Variants in SUSD4 observed in about 807,000 individuals in gnomAD.
SUSD4 encodes sushi domain-containing protein 4.
A neutral mutation model predicts 50.5 loss-of-function variants in SUSD4; 41 were observed. The observed-to-expected ratio is 0.81, with a 90% CI of 0.63 to 1.05. The LOEUF (loss-of-function observed/expected upper bound fraction) is 1.05, where lower values mean the gene tolerates loss of function less well. Among genes scored for constraint, SUSD4 ranks in the 50% least tolerant of loss-of-function variants. The pLI is 0.00. For synonymous variants in SUSD4, 257 were observed against 257.3 expected (o/e 1.00, Z 0.01); for missense variants, 580 against 634.7 (o/e 0.91, Z 0.93).
chr1:223,361,556 C>T (rs533878156), intron 2 of SUSD4, among the ~76,000 whole-genome samples: 54 of 152,172 alleles, frequency 3.5e-4, no homozygotes, highest in African/African-American at 1.2e-3. Flanking sequence ...ACCGAGGTGG[C>T]CATGATGTAC....
At chr1:223,243,187 C>T (rs1660700912) in intron 5 of SUSD4, among the ~76,000 whole-genome samples, 1 of 152,178 alleles carries the variant, frequency 6.6e-6, no homozygotes, top group South Asian at 2.1e-4. Context: ...GGAGACACCA[C>T]AGGACCTTCT....
chr1:223,335,243 T>C (rs547916677), intron 2 of SUSD4, among the ~76,000 whole-genome samples: 1 of 152,206 alleles, frequency 6.6e-6, no homozygotes, highest in Non-Finnish European at 1.5e-5. Flanking sequence ...TACCCAGTAG[T>C]GGGATTGCTG....
intron 4 of SUSD4, among the ~76,000 whole-genome samples, chr1:223,267,633 G>A (rs908395507): frequency 1.3e-5 from 2 of 152,070 alleles, no homozygotes; most frequent in Non-Finnish European, 1.5e-5. Context: ...AAGGGGTCAC[G>A]ACTTTTAAGC....
intron 3 of SUSD4, among the ~76,000 whole-genome samples, chr1:223,290,586 TA>T (rs1340920505): frequency 6.6e-6 from 1 of 152,070 alleles, no homozygotes; most frequent in Non-Finnish European, 1.5e-5. Context: ...GGTTGCCTAA[TA>T]AAAAAGCTGA....
chr1:223,305,847 G>C (rs190558474), intron 2 of SUSD4, among the ~76,000 whole-genome samples: 1 of 152,302 alleles, frequency 6.6e-6, no homozygotes, highest in East Asian at 1.9e-4. Flanking sequence ...TTAGTATGCA[G>C]ATTCTATTAC....
chr1:223,308,992 C>T (rs900681997), intron 2 of SUSD4, among the ~76,000 whole-genome samples: 1 of 152,172 alleles, frequency 6.6e-6, no homozygotes, highest in African/African-American at 2.4e-5. Flanking sequence ...ACGATATGAA[C>T]TCATCCAAAA....
At chr1:223,234,450 T>A (rs1022952959) in intron 5 of SUSD4, among the ~76,000 whole-genome samples, 3 of 152,174 alleles carry the variant, frequency 2.0e-5, no homozygotes, top group African/African-American at 7.2e-5. Flanking sequence ...ATTCATAAAC[T>A]CTTTGAGAGC....
Position 223,264,822 on chromosome 1 carries a change from T to C in SUSD4, c.536-4A>G. The C allele has an allele frequency of 5.6e-6, 9 of 1,611,008 alleles. No homozygotes were observed. Among genetic ancestry groups the C allele is most frequent in the Non-Finnish European group, 7.6e-6 (9 of 1,178,188 alleles). Reference sequence around the variant, plus strand: ...GAGGCTAGAGGTCTCAGGCAGCCTGTGGAAGGTGAAAGAAAAAGGGAAAGA... The same window carrying C: ...GAGGCTAGAGGTCTCAGGCAGCCTGCGGAAGGTGAAAGAAAAAGGGAAAGA... On this transcript the variant is annotated splice_region_variant and splice_polypyrimidine_tract_variant and intron_variant, in intron 4 of 8. Transcript: ENST00000366878.
chr1:223,227,858 A>AC lies in SUSD4; in HGVS notation c.917-121dup, dbSNP rs1659623128. On this transcript the variant is annotated intron_variant, in intron 6 of 8. Transcript: ENST00000366878. The surrounding 1 kb of genome is among the most constrained non-coding windows in gnomAD (Gnocchi z 4.5). Reference sequence around the variant, plus strand: ...AAGAGATGCGTGCAAGGTGCCTCTGACCCCCAGGGCTCGGCAGAGATACCA... The same window carrying AC: ...AAGAGATGCGTGCAAGGTGCCTCTGACCCCCCAGGGCTCGGCAGAGATACCA... 1 of 1,308,136 alleles carries AC rather than the reference A, an allele frequency of 7.6e-7. No homozygotes were observed. Among genetic ancestry groups the AC allele is most frequent in the African/African-American group, 1.5e-5 (1 of 67,930 alleles). 81.0% of individuals were successfully genotyped at this position (1,308,136 alleles called of 1,614,324 possible).
chr1:223,284,694 T>C (rs1281283465), intron 3 of SUSD4, among the ~76,000 whole-genome samples: 1 of 152,194 alleles, frequency 6.6e-6, no homozygotes, highest in Non-Finnish European at 1.5e-5. Context: ...GGATAAAATT[T>C]TGTCATTGAT....
intron 2 of SUSD4, among the ~76,000 whole-genome samples, chr1:223,352,490 A>G (rs1242149660): frequency 6.6e-6 from 1 of 152,182 alleles, no homozygotes; most frequent in Non-Finnish European, 1.5e-5. Context: ...AGGCCCTGGC[A>G]TTCCAGGGGC....
chr1:223,292,622 G>C lies in SUSD4; in HGVS notation c.178C>G (p.Pro60Ala). 6.2e-7 allele frequency: 1 copy of C among 1,614,042 alleles called. No homozygotes were observed. The highest frequency in any genetic ancestry group is 8.5e-7 in the Non-Finnish European group (1 of 1,179,990). Residue 60 changes from proline (P) to alanine (A), a missense_variant, in exon 3 of 9, where the codon CCC becomes GCC. Coordinates refer to ENST00000366878, the MANE Select transcript of SUSD4 (RefSeq NM_017982.4). ...GFDDLQVCADPGIPENGFRTP... is the reference protein window; with the variant it reads ...GFDDLQVCADAGIPENGFRTP... ...CTGAAGCCATTCTCGGGAATGCCGG[G>C]GTCAGCACACACTTGAAGGTCATCG...
intron 3 of SUSD4, among the ~76,000 whole-genome samples, chr1:223,291,072 A>G (rs1308202093): frequency 1.3e-5 from 2 of 152,198 alleles, no homozygotes; most frequent in Non-Finnish European, 1.5e-5. Flanking sequence ...AGTCTTTATT[A>G]TATTTATTAT....
At chr1:223,339,065 G>A (rs1667611401) in intron 2 of SUSD4, among the ~76,000 whole-genome samples, 1 of 152,152 alleles carries the variant, frequency 6.6e-6, no homozygotes, top group Non-Finnish European at 1.5e-5. Flanking sequence ...AGACCAGCAA[G>A]GACTGGTTAG....
chr1:223,236,351 T>C (rs1181311037), intron 5 of SUSD4, among the ~76,000 whole-genome samples: 2 of 152,192 alleles, frequency 1.3e-5, no homozygotes, highest in African/African-American at 4.8e-5. Context: ...TTGTTAATTT[T>C]AATGAAGTCC....
At chr1:223,288,297 C>G (rs757335586) in intron 3 of SUSD4, among the ~76,000 whole-genome samples, 2 of 152,124 alleles carry the variant, frequency 1.3e-5, no homozygotes, top group Non-Finnish European at 2.9e-5. Flanking sequence ...CCATGTATGC[C>G]GTACTTTGCT....
Position 223,340,598 on chromosome 1 carries a change from C to T in SUSD4, c.148+22680G>A, listed in dbSNP as rs192125949. 1.4e-3 allele frequency among the ~76,000 whole-genome samples: 206 copies of T among 152,282 alleles called. 4 individuals carry two copies. Among genetic ancestry groups the T allele is most frequent in the Admixed American group, 0.011 (167 of 15,298 alleles). On this transcript the variant is annotated intron_variant, in intron 2 of 8. Coordinates refer to ENST00000366878, the MANE Select transcript of SUSD4 (RefSeq NM_017982.4). ...TGCTAATCCAAAAGCAGCTTCTGTCCGCAGTCATGATATTCAGCCTGCTTT... is the reference window on the plus strand; with the variant it reads ...TGCTAATCCAAAAGCAGCTTCTGTCTGCAGTCATGATATTCAGCCTGCTTT...
chr1:223,358,990 C>T, intron 2 of SUSD4: 1 of 458,688 alleles, frequency 2.2e-6, no homozygotes, highest in South Asian at 1.6e-5. Context: ...TTTCCACCTG[C>T]TGGCACAGAG....
intron 2 of SUSD4, among the ~76,000 whole-genome samples, chr1:223,341,744 G>T (rs879060542): frequency 2.2e-4 from 34 of 152,248 alleles, no homozygotes; most frequent in Admixed American, 5.2e-4. Flanking sequence ...CCCAGTTAGT[G>T]ACCAGTGGTG....
Sources: gnomAD v4.1 joint callset for allele counts (sites outside exome capture counted in the v4.1 genomes callset) on GRCh38, gnomAD v4.1.1 for gene constraint, Gnocchi (gnomAD v3.1) non-coding constraint, MANE v1.5 for transcripts, NCBI Gene and HGNC (gene_info 2026-07-23, HGNC 2026-07-21) for gene names.